NCKAP5: variants seen among roughly 807,000 people sequenced by gnomAD.
NCKAP5 encodes nck-associated protein 5.
In NCKAP5, 92 loss-of-function variants were observed where a neutral mutation model predicts 167.0. The observed-to-expected ratio is 0.55, with a 90% CI of 0.47 to 0.66. NCKAP5 has a LOEUF of 0.66. Ranked by LOEUF, NCKAP5 falls within the 30% of genes least tolerant of loss-of-function variation. The pLI is 0.00. For missense variants in NCKAP5, 2,378 were observed against 2,315.0 expected, an observed-to-expected ratio of 1.03 and a Z score of -0.56; for synonymous variants, 891 against 877.4, an observed-to-expected ratio of 1.02 and a Z score of -0.27.
rs140565464 is a variant in NCKAP5, at chr2:132,893,901, C to T, written c.580-14985G>A. 5.1e-4 allele frequency among the ~76,000 whole-genome samples: 77 copies of T among 152,246 alleles called. 1 individual carries two copies. The highest frequency in any genetic ancestry group is 4.1e-3 in the South Asian group (20 of 4,820). On this transcript the variant is annotated intron_variant, in intron 8 of 19. Transcript: ENST00000409261. ...TATTTCACACACACACACATACACA[C>T]AAATGTACACACTCTAATAAGTAAC...
At chr2:133,222,992 A>G (rs527837917) in intron 4 of NCKAP5, among the ~76,000 whole-genome samples, 139 of 152,262 alleles carry the variant, frequency 9.1e-4, no homozygotes, top group Non-Finnish European at 1.7e-3. Context: ...ATGTGAATCA[A>G]TGGGAAAACC....
chr2:132,681,431 C>G (rs1415540811), intron 19 of NCKAP5, among the ~76,000 whole-genome samples: 6 of 151,414 alleles, frequency 4.0e-5, no homozygotes, highest in Admixed American at 6.6e-5. Flanking sequence ...CCATGGCAGG[C>G]TTAGGTGTCA....
At chr2:133,263,628 C>A (rs1348282521) in intron 4 of NCKAP5, among the ~76,000 whole-genome samples, 13 of 152,072 alleles carry the variant, frequency 8.5e-5, no homozygotes, top group African/African-American at 2.9e-4. Context: ...TTCACAACTA[C>A]CAAGTCAGAA....
At chr2:132,695,059 T>A (rs75750454) in intron 19 of NCKAP5, among the ~76,000 whole-genome samples, 1,679 of 152,182 alleles carry the variant, frequency 0.011, 35 homozygotes, top group African/African-American at 0.038. Context: ...GTGAATGAGC[T>A]CTCTGGGGCC....
At chr2:132,799,872 C>G (rs764495110) in intron 11 of NCKAP5, among the ~76,000 whole-genome samples, 3 of 152,002 alleles carry the variant, frequency 2.0e-5, no homozygotes. Context: ...ATCAGGGTAA[C>G]TGGATTACCT....
chr2:133,593,045 T>C, the NCKAP5 span, among the ~76,000 whole-genome samples: 22 of 152,288 alleles, frequency 1.4e-4, no homozygotes, highest in South Asian at 1.0e-3. Context: ...TCCTGGATTG[T>C]CCTTCCTGAG....
intron 5 of NCKAP5, among the ~76,000 whole-genome samples, chr2:133,202,436 A>G (rs1324504528): frequency 6.6e-6 from 1 of 152,220 alleles, no homozygotes. Flanking sequence ...TCAAAACCCT[A>G]GAAGAAAACC....
chr2:133,584,162 T>G, the NCKAP5 span, among the ~76,000 whole-genome samples: 1 of 152,366 alleles, frequency 6.6e-6, no homozygotes, highest in East Asian at 1.9e-4. Flanking sequence ...GTGGTTTCCA[T>G]ATTCCTAGGA....
chr2:132,851,068 G>T (rs947968978), intron 11 of NCKAP5, among the ~76,000 whole-genome samples: 3 of 151,722 alleles, frequency 2.0e-5, no homozygotes, highest in Non-Finnish European at 2.9e-5. Context: ...ATGTTAGGCC[G>T]ACAGTGATTG....
chr2:133,558,748 T>C (rs1438000236), intron 2 of NCKAP5, among the ~76,000 whole-genome samples: 2 of 72,286 alleles, frequency 2.8e-5, no homozygotes, highest in African/African-American at 5.6e-5. Flanking sequence ...AGGAACATAA[T>C]AAAAGCACTC....
intron 6 of NCKAP5, among the ~76,000 whole-genome samples, chr2:133,100,708 T>C (rs1159897613): frequency 2.0e-5 from 3 of 152,176 alleles, no homozygotes; most frequent in Non-Finnish European, 4.4e-5. Context: ...TTGATCAAAT[T>C]AGGAGTAATA....
At chr2:133,586,239 G>C in the NCKAP5 span, among the ~76,000 whole-genome samples, 2 of 152,130 alleles carry the variant, frequency 1.3e-5, no homozygotes, top group Non-Finnish European at 2.9e-5. Context: ...ACCTCCCTCA[G>C]AGGGTCCAGC....
At chr2:132,901,569 T>A (rs1574571717) in intron 8 of NCKAP5, among the ~76,000 whole-genome samples, 1 of 152,174 alleles carries the variant, frequency 6.6e-6, no homozygotes, top group East Asian at 1.9e-4. Context: ...CACCCATGGG[T>A]GGAAACGCAT....
chr2:132,939,191 CA>C (rs1199266118), intron 8 of NCKAP5, among the ~76,000 whole-genome samples: 3 of 152,172 alleles, frequency 2.0e-5, no homozygotes, highest in Admixed American at 1.3e-4. Flanking sequence ...CTTCTCCCCA[CA>C]GCTTAATTTA....
In NCKAP5 at chr2:132,916,664, G is replaced by T. The variant is rs74654940; in HGVS notation, c.580-37748C>A. Among the ~76,000 whole-genome samples, 830 of 152,162 alleles carry T rather than the reference G, an allele frequency of 5.5e-3. 9 individuals are homozygous for T. The highest frequency in any genetic ancestry group is 0.019 in the African/African-American group (796 of 41,554). ...TTAAAGTTTATATTAAAATGTGAAA[G>T]AAAGTTAGTTGACTTAGGACCAAAA... On this transcript the variant is annotated intron_variant, in intron 8 of 19. Transcript: ENST00000409261.
chr2:133,348,459 A>G (rs1684126074), intron 3 of NCKAP5, among the ~76,000 whole-genome samples: 1 of 152,108 alleles, frequency 6.6e-6, no homozygotes, highest in African/African-American at 2.4e-5. Context: ...CAAAAACTGC[A>G]TTTTTGGGGT....
In NCKAP5 at chr2:133,375,485, T is replaced by C. The variant is rs1396678638; in HGVS notation, c.70-72375A>G. The stretch of plus-strand genomic sequence containing the variant: ...TACATGTGAAGGATGTATAGGTTTG[T>C]TAAATAGGTAAATGTGTGTCATGAG... On this transcript the variant is annotated intron_variant, in intron 3 of 19. Transcript: ENST00000409261. Among the ~76,000 whole-genome samples the C allele has an allele frequency of 2.0e-5, 3 of 152,216 alleles. No homozygotes were observed. In the East Asian group the frequency reaches 5.8e-4, roughly 29 times the overall value.
chr2:133,071,381 C>T (rs1174911293), intron 6 of NCKAP5, among the ~76,000 whole-genome samples: 2 of 151,902 alleles, frequency 1.3e-5, no homozygotes, highest in African/African-American at 2.4e-5. Flanking sequence ...GGAGGCGGAG[C>T]TTGCAGTGAG....
intron 11 of NCKAP5, among the ~76,000 whole-genome samples, chr2:132,814,725 A>G (rs1686131298): frequency 6.6e-6 from 1 of 152,244 alleles, no homozygotes; most frequent in African/African-American, 2.4e-5. Context: ...TTGACTAAAG[A>G]TGAGACTGTA....
Sources: allele counts gnomAD v4.1 joint callset (sites outside exome capture counted in the v4.1 genomes callset), GRCh38; gene constraint gnomAD v4.1.1; transcripts MANE v1.5; gene names NCBI Gene and HGNC (gene_info 2026-07-23, HGNC 2026-07-21).